The following COL1A2 variants were observed in gnomAD, a reference collection of about 807,000 sequenced individuals.
COL1A2 encodes collagen type I alpha 2 chain.
A neutral mutation model predicts 174.3 loss-of-function variants in COL1A2; 49 were observed. That is an observed-to-expected ratio of 0.28 (90% CI 0.22 to 0.36). COL1A2 has a LOEUF of 0.36. COL1A2 is among the 10% of genes least tolerant of loss of function. COL1A2 has a pLI of 1.00. For synonymous variants in COL1A2, 655 were observed against 606.6 expected (o/e 1.08, Z -1.17); for missense variants, 1,438 against 1,822.7 (o/e 0.79, Z 3.84).
chr7:94,426,678 G>A, intron 46 of COL1A2, 148 bp downstream of exon 46: 1 of 745,762 alleles, frequency 1.3e-6, no homozygotes, highest in South Asian at 1.5e-5. Flanking sequence ...CACTCTTGGA[G>A]GTAATGCTAT....
chr7:94,400,061 A>C, intron 4 of COL1A2, 135 bp from the exon 5 acceptor site: 1 of 836,116 alleles, frequency 1.2e-6, no homozygotes, highest in Non-Finnish European at 2.1e-6. Context: ...AATTTCAATC[A>C]ATGACAAATA....
chr7:94,426,899 A>T, intron 46 of COL1A2, 109 bp from the exon 47 acceptor site: 1 of 938,786 alleles, frequency 1.1e-6, no homozygotes, highest in Non-Finnish European at 1.7e-6. Flanking sequence ...CAATTTTCTC[A>T]ATCCGGAGTC....
At chr7:94,421,247 T>C in intron 38 of COL1A2, 185 bp downstream of exon 38, 3 of 671,398 alleles carry the variant, frequency 4.5e-6, no homozygotes, top group Middle Eastern at 3.6e-4. Context: ...TCAGTGTATG[T>C]TGCTATCAGC....
At chr7:94,395,162 T>C (rs766758539) in intron 1 of COL1A2, 61 bp downstream of exon 1, 2 of 1,432,660 alleles carry the variant, frequency 1.4e-6, no homozygotes, top group Admixed American at 3.3e-5. Flanking sequence ...GAGGGCACCC[T>C]GCCCTGAAAA....
At chr7:94,429,518 G>A (rs1406593309) in intron 51 of COL1A2, 88 bp downstream of exon 51, 4 of 1,461,056 alleles carry the variant, frequency 2.7e-6, no homozygotes, top group South Asian at 2.3e-5. Flanking sequence ...GGGTCTAAAG[G>A]GGGGTTAAAA....
intron 51 of COL1A2, 120 bp from the exon 52 acceptor site, chr7:94,430,127 G>A (rs767430150): frequency 1.7e-4 from 167 of 1,000,806 alleles, no homozygotes; most frequent in Non-Finnish European, 2.3e-4. Context: ...TATTTATCTG[G>A]GACAGACATC....
At position 94,412,717 on chromosome 7, in the gene COL1A2, T is replaced by G. The variant is rs1488848750; in HGVS notation, c.1503+35T>G. The stretch of plus-strand genomic sequence containing the variant: ...ACCACAACTTTCTTACCCTCAGCAC[T>G]TTCTGTAGCCAAATTTTACCAAACT... On this transcript the variant is annotated intron_variant, in intron 25 of 51. Coordinates refer to ENST00000297268, the MANE Select transcript of COL1A2 (RefSeq NM_000089.4). The G allele has an allele frequency of 2.5e-6, 4 of 1,579,340 alleles. No homozygotes were observed. In the African/African-American group the frequency reaches 5.4e-5, roughly 21 times the overall value.
chr7:94,418,476 T>C (rs1323230299), intron 32 of COL1A2, 23 bp from the exon 33 acceptor site: 1 of 1,612,634 alleles, frequency 6.2e-7, no homozygotes, highest in East Asian at 2.2e-5. Context: ...AAACAAAAAG[T>C]TGCTCTTGCT....
At position 94,421,061 on chromosome 7, in the gene COL1A2, CT is replaced by C; in HGVS notation, c.2349del (p.Gly784ValfsTer2). Reference protein sequence around the residue: ...PAGSRGDGGPPGMTGFPGAAG... With the variant: ...PAGSRGDGGPXGMTGFPGAAG... ...GGAAGTCGTGGTGATGGAGGCCCCC[CT>C]GTGAGTATTTACAATGGACTCTCGC... On this transcript the variant is annotated frameshift_variant and splice_region_variant, in exon 38 of 52. Coordinates refer to ENST00000297268, the MANE Select transcript of COL1A2 (RefSeq NM_000089.4). LOFTEE classifies it high-confidence loss of function. 6.2e-7 allele frequency: 1 copy of C among 1,614,098 alleles called. No homozygotes were observed. Among genetic ancestry groups the C allele is most frequent in the Non-Finnish European group, 8.5e-7 (1 of 1,179,970 alleles).
intron 51 of COL1A2, chr7:94,429,640 A>G: frequency 1.8e-6 from 1 of 542,950 alleles, no homozygotes; most frequent in Non-Finnish European, 3.2e-6. Context: ...CAGATGATAA[A>G]TTCAGAGTAT....
In COL1A2 at chr7:94,430,607, AT is replaced by A. The variant is rs575420078; in HGVS notation, c.*223del. 97 of 565,474 alleles carry A rather than the reference AT, an allele frequency of 1.7e-4. No homozygotes were observed. Among genetic ancestry groups the A allele is most frequent in the African/African-American group, 1.1e-3 (56 of 53,180 alleles). The allele number at this position is 565,474 out of a possible 1,614,324, so 35.0% of individuals were successfully genotyped here. Reference sequence around the variant, plus strand: ...TTCCCCCGCTCCCCCAAAAATTTGAATTTTTTTTTCAACACTCTTACACCTG... The same window carrying A: ...TTCCCCCGCTCCCCCAAAAATTTGAATTTTTTTTCAACACTCTTACACCTG... On this transcript the variant is annotated 3_prime_UTR_variant, in exon 52 of 52. Transcript: ENST00000297268.
chr7:94,400,062 A>T (rs748666143), intron 4 of COL1A2, 134 bp from the exon 5 acceptor site: 1 of 838,930 alleles, frequency 1.2e-6, no homozygotes. Context: ...ATTTCAATCA[A>T]TGACAAATAT....
At chr7:94,410,766 T>G (rs2115897768) in intron 21 of COL1A2, 123 bp from the exon 22 acceptor site, 1 of 1,089,020 alleles carries the variant, frequency 9.2e-7, no homozygotes, top group East Asian at 2.4e-5. Context: ...TTGGGTGAAG[T>G]GTTTTGGCTT....
intron 9 of COL1A2, 84 bp downstream of exon 9, chr7:94,404,976 T>C: frequency 6.6e-7 from 1 of 1,515,640 alleles, no homozygotes; most frequent in South Asian, 1.1e-5. Flanking sequence ...AATTAAGTAT[T>C]CTGCCAAAAG....
rs1413535416 is a variant in COL1A2, at chr7:94,406,267, T to A, written c.558T>A (p.Asp186Glu). The change falls in exon 12 of 52, where the codon GAT (aspartate) becomes GAA (glutamate). Residue 186 changes from aspartate (D) to glutamate (E), a missense_variant. Around this residue, in one of 3 missense-constraint regions of COL1A2, gnomAD observed 281 missense variants for 310.9 expected, o/e 0.90. Coordinates refer to ENST00000297268, the MANE Select transcript of COL1A2 (RefSeq NM_000089.4). ...FKGIRGHNGL[D>E]GLKGQPGAPG... is the part of the protein sequence containing the mutation. ...CCTTTCAGGGACACAATGGTCTGGA[T>A]GGATTGAAGGGACAGCCCGGTGCTC... The A allele has an allele frequency of 1.2e-6, 2 of 1,614,018 alleles. No individual in the cohort carries two copies. The highest frequency in any genetic ancestry group is 1.7e-6 in the Non-Finnish European group (2 of 1,179,884).
intron 28 of COL1A2, 99 bp from the exon 29 acceptor site, chr7:94,414,123 C>T (rs1193859368): frequency 3.7e-6 from 5 of 1,364,956 alleles, no homozygotes; most frequent in Middle Eastern, 1.8e-4. Context: ...CAATCGTGCT[C>T]ATGTTGATAT....
chr7:94,417,416 T>C, intron 31 of COL1A2: 2 of 391,060 alleles, frequency 5.1e-6, no homozygotes, highest in Non-Finnish European at 9.7e-6. Flanking sequence ...TGGGTAAACA[T>C]TTTTTACTCT....
At chr7:94,404,095 A>G (rs1376419462) in intron 6 of COL1A2, among the ~76,000 whole-genome samples, 1 of 152,224 alleles carries the variant, frequency 6.6e-6, no homozygotes. Flanking sequence ...ATCATTAAGA[A>G]GGACTTTTGA....
In COL1A2 at chr7:94,410,232, T is replaced by G. The variant is rs1363231522; in HGVS notation, c.1036-10T>G. 1.2e-6 allele frequency: 2 copies of G among 1,613,544 alleles called. No homozygotes were observed. Among genetic ancestry groups the G allele is most frequent in the African/African-American group, 2.7e-5 (2 of 75,022 alleles). ...TTGTCCTTTGACCACTGTTCTGTAT[T>G]GAACCCTAGGGTGAGCCTGGTCCAG... On this transcript the variant is annotated splice_polypyrimidine_tract_variant and intron_variant, in intron 19 of 51. Transcript: ENST00000297268.
Sources: gnomAD v4.1 joint callset for allele counts (sites outside exome capture counted in the v4.1 genomes callset) on GRCh38, gnomAD v4.1.1 for gene constraint, gnomAD v4.1.1 regional missense constraint, MANE v1.5 for transcripts, NCBI Gene and HGNC (gene_info 2026-07-23, HGNC 2026-07-21) for gene names.